B4GALT6: variants seen among roughly 807,000 people sequenced by gnomAD.
B4GALT6 encodes UDP-Gal:beta-GlcNAc beta-1,4-galactosyltransferase 6.
B4GALT6 carries 14 observed loss-of-function variants against 46.3 expected under a neutral mutation model. The ratio of observed to expected loss-of-function variants is 0.30; its 90% CI spans 0.20 to 0.47. B4GALT6 has a LOEUF of 0.47. Among genes scored for constraint, B4GALT6 ranks in the 20% least tolerant of loss-of-function variants. The pLI, the probability that B4GALT6 is intolerant of heterozygous loss-of-function variation, is 0.99. For synonymous variants in B4GALT6, 168 were observed against 162.0 expected, an observed-to-expected ratio of 1.04 and a Z score of -0.28; for missense variants, 386 against 480.1, an observed-to-expected ratio of 0.80 and a Z score of 1.83.
Position 31,630,864 on chromosome 18 carries a change from TTC to T in B4GALT6, c.776+93_776+94del. On this transcript the variant is annotated intron_variant, in intron 6 of 8. Transcript: ENST00000306851. ...AGATGATATTCTTGGGGTTCTTGAG[TTC>T]TCTCAGATTTAGGGACATAACGCTG... 2.2e-6 allele frequency: 3 copies of T among 1,339,334 alleles called. No individual in the cohort carries two copies. The South Asian group carries it at 3.7e-5, about 17-fold the overall frequency. The allele number at this position is 1,339,334 out of a possible 1,614,324, so 83.0% of individuals were successfully genotyped here.
At chr18:31,674,236 T>C (rs1025866847) in intron 1 of B4GALT6, among the ~76,000 whole-genome samples, 1 of 152,066 alleles carries the variant, frequency 6.6e-6, no homozygotes, top group Non-Finnish European at 1.5e-5. Context: ...TTAACATAAG[T>C]AGAATTAAAA....
chr18:31,651,107 C>T (rs1282373415), intron 3 of B4GALT6, among the ~76,000 whole-genome samples: 1 of 149,156 alleles, frequency 6.7e-6, no homozygotes, highest in Non-Finnish European at 1.5e-5. Context: ...CTGAATCACA[C>T]TTAAGAGAAA....
intron 2 of B4GALT6, among the ~76,000 whole-genome samples, chr18:31,661,713 G>A (rs1403687788): frequency 6.6e-6 from 1 of 152,102 alleles, no homozygotes; most frequent in African/African-American, 2.4e-5. Context: ...AAATAAGGTT[G>A]TCCTTGGATG....
intron 8 of B4GALT6, 107 bp from the exon 9 acceptor site, chr18:31,625,868 T>C: frequency 1.1e-6 from 1 of 879,922 alleles, no homozygotes; most frequent in Non-Finnish European, 1.6e-6. Flanking sequence ...CTTAATGCCC[T>C]TTACAATTTC....
At chr18:31,698,444 G>A in the B4GALT6 span, among the ~76,000 whole-genome samples, 6 of 151,346 alleles carry the variant, frequency 4.0e-5, no homozygotes, top group African/African-American at 1.2e-4. Flanking sequence ...AGCCTGGACA[G>A]CATAGTGAAA....
chr18:31,643,948 T>C (rs897268229), intron 4 of B4GALT6, among the ~76,000 whole-genome samples: 4 of 152,174 alleles, frequency 2.6e-5, no homozygotes, highest in African/African-American at 7.2e-5. Context: ...GCATTCAATA[T>C]ACACACTCAG....
At chr18:31,635,084 A>C (rs1194558742) in intron 5 of B4GALT6, among the ~76,000 whole-genome samples, 1 of 152,122 alleles carries the variant, frequency 6.6e-6, no homozygotes, top group Non-Finnish European at 1.5e-5. Flanking sequence ...TACAAAAATT[A>C]GCTGGGTGTG....
chr18:31,668,535 A>C (rs1388286648), intron 1 of B4GALT6, among the ~76,000 whole-genome samples: 1 of 152,352 alleles, frequency 6.6e-6, no homozygotes, highest in South Asian at 2.1e-4. Flanking sequence ...ATATATATTC[A>C]TAAGTAAGGT....
intron 1 of B4GALT6, among the ~76,000 whole-genome samples, chr18:31,675,100 A>G (rs1403071855): frequency 6.6e-6 from 1 of 152,228 alleles, no homozygotes; most frequent in African/African-American, 2.4e-5. Flanking sequence ...CTAACAACTC[A>G]AGCTTTGCAG....
intron 2 of B4GALT6, among the ~76,000 whole-genome samples, chr18:31,662,340 T>C (rs541561582): frequency 1.3e-5 from 2 of 152,332 alleles, no homozygotes; most frequent in Middle Eastern, 3.4e-3. Context: ...GTGGTATTTG[T>C]GTCTTCCCAA....
chr18:31,676,814 TAATCAG>T (rs2074420063), intron 1 of B4GALT6, among the ~76,000 whole-genome samples: 2 of 152,198 alleles, frequency 1.3e-5, no homozygotes, highest in African/African-American at 4.8e-5. Context: ...TGTTAAAAAT[TAATCAG>T]AATCAGAATC....
chr18:31,684,422 G>C lies in B4GALT6; in HGVS notation c.5C>G (p.Ser2Cys). The C allele has an allele frequency of 2.5e-6, 4 of 1,613,506 alleles. No homozygotes were observed. The highest frequency in any genetic ancestry group is 3.4e-6 in the Non-Finnish European group (4 of 1,179,690). Reference sequence around the variant, plus strand: ...AACCCGCATCATCCGCCTGAGCACAGACATCTTCCTCTTCCCTGCCAGCAG... The same window carrying C: ...AACCCGCATCATCCGCCTGAGCACACACATCTTCCTCTTCCCTGCCAGCAG... M[S>C]VLRRMMRVSN... Residue 2 changes from serine (S) to cysteine (C), a missense_variant, in exon 1 of 9, where the codon TCT becomes TGT. Physicochemically the swap from Ser to Cys is moderately radical, Grantham distance 112. Coordinates refer to ENST00000306851, the MANE Select transcript of B4GALT6 (RefSeq NM_004775.5).
intron 6 of B4GALT6, among the ~76,000 whole-genome samples, chr18:31,630,480 C>A (rs1437641429): frequency 6.6e-6 from 1 of 151,618 alleles, no homozygotes; most frequent in Non-Finnish European, 1.5e-5. Flanking sequence ...AGATAAACAG[C>A]AGAAGAGAGG....
At chr18:31,679,454 G>C (rs2074453769) in intron 1 of B4GALT6, among the ~76,000 whole-genome samples, 1 of 152,186 alleles carries the variant, frequency 6.6e-6, no homozygotes, top group African/African-American at 2.4e-5. Flanking sequence ...AATGACTCTT[G>C]TAACAAAGCT....
intron 4 of B4GALT6, among the ~76,000 whole-genome samples, chr18:31,640,720 A>AC: frequency 1.3e-5 from 2 of 152,214 alleles, no homozygotes; most frequent in Middle Eastern, 3.4e-3. Flanking sequence ...AGCAATACCG[A>AC]CCCAACATCC....
chr18:31,674,671 C>A (rs1226201103), intron 1 of B4GALT6, among the ~76,000 whole-genome samples: 1 of 151,880 alleles, frequency 6.6e-6, no homozygotes. Context: ...TCAATAAATC[C>A]CCAAGAATTA....
the B4GALT6 span, among the ~76,000 whole-genome samples, chr18:31,709,132 C>A: frequency 6.6e-6 from 1 of 152,158 alleles, no homozygotes; most frequent in African/African-American, 2.4e-5. Context: ...CAGTCCCTTT[C>A]AGGTCTATCA....
At chr18:31,669,310 T>A (rs1390244829) in intron 1 of B4GALT6, among the ~76,000 whole-genome samples, 2 of 152,198 alleles carry the variant, frequency 1.3e-5, no homozygotes, top group Non-Finnish European at 2.9e-5. Context: ...AATAAACATG[T>A]CATCCTTGTG....
At chr18:31,640,997 T>C (rs1464331018) in intron 4 of B4GALT6, among the ~76,000 whole-genome samples, 1 of 152,244 alleles carries the variant, frequency 6.6e-6, no homozygotes, top group Non-Finnish European at 1.5e-5. Context: ...TGTAGCTTAG[T>C]AAGTCAAGCC....
Sources: gnomAD v4.1 joint callset for allele counts (sites outside exome capture counted in the v4.1 genomes callset) on GRCh38, gnomAD v4.1.1 for gene constraint, MANE v1.5 for transcripts, NCBI Gene and HGNC (gene_info 2026-07-23, HGNC 2026-07-21) for gene names.